FAM50A: variants seen among roughly 807,000 people sequenced by gnomAD.
FAM50A encodes the protein family with sequence similarity 50 member A, also known as protein FAM50A.
Under a neutral mutation model 35.5 loss-of-function variants are expected in FAM50A, and 6 were observed. The observed-to-expected ratio is 0.17, with a 90% CI of 0.09 to 0.33. FAM50A has a LOEUF of 0.33. Among genes scored for constraint, FAM50A ranks in the 10% least tolerant of loss-of-function variants. FAM50A has a pLI of 1.00. For synonymous variants in FAM50A, 120 were observed against 110.9 expected, an observed-to-expected ratio of 1.08 and a Z score of -0.52; for missense variants, 145 against 295.5, an observed-to-expected ratio of 0.49 and a Z score of 3.73.
At position 154,445,923 on chromosome X, in the gene FAM50A, C is replaced by T. The variant is rs367875244; in HGVS notation, c.296+12C>T. The T allele has an allele frequency of 2.6e-3, 3,013 of 1,164,991 alleles. 7 individuals carry two copies. The highest frequency in any genetic ancestry group is 2.8e-3 in the Non-Finnish European group (2,362 of 856,513). On this transcript the variant is annotated intron_variant, in intron 3 of 12. Coordinates refer to ENST00000393600, the MANE Select transcript of FAM50A (RefSeq NM_004699.4). ...AAGGAGCTGCAGATGTGGGTCCTCTCGCCGCAGCCCTCAACATGGAGCTAG... is the reference window on the plus strand; with the variant it reads ...AAGGAGCTGCAGATGTGGGTCCTCTTGCCGCAGCCCTCAACATGGAGCTAG...
At chrX:154,448,312 T>C (rs2068790177) in intron 4 of FAM50A, among the ~76,000 whole-genome samples, 172 bp from the exon 5 acceptor site, 1 of 109,787 alleles carries the variant, frequency 9.1e-6, no homozygotes, top group African/African-American at 3.3e-5. Context: ...AAGTGATCCT[T>C]CTGCCTCATC....
chrX:154,446,226 T>A, intron 3 of FAM50A, 189 bp from the exon 4 acceptor site: 1 of 465,923 alleles, frequency 2.1e-6, no homozygotes, highest in African/African-American at 2.4e-5. Flanking sequence ...GTGCTTGCTG[T>A]TTGTAACAGA....
Position 154,445,730 on chromosome X carries a change from C to T in FAM50A, c.196+13C>T, listed in dbSNP as rs377764840. The T allele has an allele frequency of 9.2e-6, 11 of 1,193,520 alleles. No individual in the cohort carries two copies. The highest frequency in any genetic ancestry group is 5.3e-5 in the African/African-American group (3 of 57,025). ...TCCAGCACCGTGGGTGAGCAGGGTG[C>T]GGGTGCCCCTCACCCGGGCCCCGGG... On this transcript the variant is annotated intron_variant, in intron 2 of 12. Coordinates refer to ENST00000393600, the MANE Select transcript of FAM50A (RefSeq NM_004699.4).
At chrX:154,446,245 C>A (rs2068782250) in intron 3 of FAM50A, 170 bp from the exon 4 acceptor site, 1 of 488,568 alleles carries the variant, frequency 2.0e-6, no homozygotes, top group Non-Finnish European at 3.6e-6. Flanking sequence ...GAGCCCTCGC[C>A]CATGAGCTCA....
chrX:154,450,342 C>A, intron 12 of FAM50A, 23 bp downstream of exon 12: 1 of 1,204,224 alleles, frequency 8.3e-7, no homozygotes, highest in Non-Finnish European at 1.1e-6. Context: ...TGGCAGGGAC[C>A]CCTCCAAGTT....
intron 3 of FAM50A, 139 bp downstream of exon 3, chrX:154,446,050 TTCTC>T (rs1252991978): frequency 6.3e-6 from 3 of 475,841 alleles, no homozygotes; most frequent in Non-Finnish European, 1.1e-5. Context: ...CGATTTGCAT[TTCTC>T]TCTCCCGCCT....
intron 4 of FAM50A, 113 bp downstream of exon 4, chrX:154,446,673 T>C: frequency 1.9e-6 from 2 of 1,031,814 alleles, no homozygotes; most frequent in Non-Finnish European, 2.6e-6. Context: ...AAAGCTGCCC[T>C]CTTGAGGCAC....
chrX:154,449,966 C>A, intron 10 of FAM50A, 35 bp downstream of exon 10: 1 of 1,209,105 alleles, frequency 8.3e-7, no homozygotes, highest in South Asian at 1.8e-5. Flanking sequence ...CCCATAGCAC[C>A]TTGCCGCCGA....
rs891897324 is a variant in FAM50A at position 154,444,546 on chromosome X, C to T, written c.111+200C>T. 5.0e-5 allele frequency: 11 copies of T among 217,916 alleles called. No individual in the cohort carries two copies. The South Asian group carries it at 8.6e-4, about 17-fold the overall frequency. The allele number at this position is 217,916 out of a possible 1,213,427, so 18.0% of individuals were successfully genotyped here. On this transcript the variant is annotated intron_variant, in intron 1 of 12. Coordinates refer to ENST00000393600, the MANE Select transcript of FAM50A (RefSeq NM_004699.4). ...CTCATCTGTGAAATGGGCCTGGAGC[C>T]GGGCGTTCTCCGAGGCTGAGGCCAC... is the stretch of plus-strand genomic sequence containing the variant.
chrX:154,450,407 C>A lies in FAM50A; in HGVS notation c.1012-17C>A. 8.3e-7 allele frequency: 1 copy of A among 1,211,424 alleles called. No homozygotes were observed. The highest frequency in any genetic ancestry group is 1.1e-6 in the Non-Finnish European group (1 of 895,172). On this transcript the variant is annotated splice_polypyrimidine_tract_variant and intron_variant, in intron 12 of 12. Coordinates refer to ENST00000393600, the MANE Select transcript of FAM50A (RefSeq NM_004699.4). ...TCGCCTTCCTTGTCTCCTCTGCCCA[C>A]CTTGTCCTCACACTAGATCCGCTGA...
At chrX:154,450,383 C>T (rs782190969) in intron 12 of FAM50A, 41 bp from the exon 13 acceptor site, 59 of 1,208,490 alleles carry the variant, frequency 4.9e-5, no homozygotes, top group Admixed American at 3.3e-4. Flanking sequence ...GCTCACCCCT[C>T]GCCTTCCTTG....
intron 8 of FAM50A, 109 bp downstream of exon 8, chrX:154,449,406 G>C (rs1314273793): frequency 4.7e-6 from 3 of 637,046 alleles, no homozygotes; most frequent in African/African-American, 4.3e-5. Context: ...CAAGCAGCGT[G>C]CTGGGCACTC....
Position 154,450,019 on chromosome X carries a change from TC to T in FAM50A, c.830-6del. 3.3e-6 allele frequency: 4 copies of T among 1,210,451 alleles called. No homozygotes were observed. Among genetic ancestry groups the T allele is most frequent in the Non-Finnish European group, 4.5e-6 (4 of 894,579 alleles). The stretch of plus-strand genomic sequence containing the variant: ...CAGCGGGACATTGGGCTGTCACTTC[TC>T]CCCTGCAGGACCACTCTTCAACTTT... On this transcript the variant is annotated splice_polypyrimidine_tract_variant and intron_variant, in intron 10 of 12. Coordinates refer to ENST00000393600, the MANE Select transcript of FAM50A (RefSeq NM_004699.4).
intron 8 of FAM50A, 28 bp from the exon 9 acceptor site, chrX:154,449,653 C>T (rs1557200280): frequency 8.4e-7 from 1 of 1,195,156 alleles, no homozygotes; most frequent in Non-Finnish European, 1.1e-6. Flanking sequence ...TGTCCTCTTG[C>T]CCACGCCCTC....
rs782492408 is a variant in FAM50A, at chrX:154,445,770, G to C, written c.197-42G>C. 4.2e-6 allele frequency: 5 copies of C among 1,189,169 alleles called. No homozygotes were observed. The African/African-American group carries it at 8.8e-5, about 21-fold the overall frequency. On this transcript the variant is annotated intron_variant, in intron 2 of 12. Transcript: ENST00000393600. ...CGGGCCCCGGGCCACTCTTCCGCTG[G>C]CCCTGCGACTACCTTGCCCCTTGTG...
At position 154,444,355 on chromosome X, in the gene FAM50A, C is replaced by A; in HGVS notation, c.111+9C>A. On this transcript the variant is annotated intron_variant, in intron 1 of 12. Transcript: ENST00000393600. ...AGCAGCGCATCGCGGAGGTGCGAGC[C>A]GGGGAGCCTCGGAGCATGCGCGCTG... The A allele has an allele frequency of 9.8e-7, 1 of 1,016,090 alleles. No homozygotes were observed. The highest frequency in any genetic ancestry group is 1.3e-6 in the Non-Finnish European group (1 of 771,957). The allele number at this position is 1,016,090 out of a possible 1,213,427, so 83.7% of individuals were successfully genotyped here.
Position 154,444,188 on chromosome X carries a change from TCGCCGCCGCCGCCGCCCGCCGCCGCCGC to T in FAM50A, c.-32_-5del, listed in dbSNP as rs1338152909. On this transcript the variant is annotated 5_prime_UTR_variant, in exon 1 of 13. Coordinates refer to ENST00000393600, the MANE Select transcript of FAM50A (RefSeq NM_004699.4). ...GCCGCTGCCGCTGCCGCTGTCGCTG[TCGCCGCCGCCGCCGCCCGCCGCCGCCGC>T]CGCCGCCGCCGCCGCTGCCATGGCT... 6.1e-5 allele frequency: 31 copies of T among 507,749 alleles called. 1 individual carries two copies. The highest frequency in any genetic ancestry group is 1.4e-4 in the East Asian group (1 of 6,984). 41.8% of individuals were successfully genotyped at this position (507,749 alleles called of 1,213,427 possible).
At chrX:154,448,260 G>A (rs1233323493) in intron 4 of FAM50A, among the ~76,000 whole-genome samples, 1 of 106,686 alleles carries the variant, frequency 9.4e-6, no homozygotes, top group East Asian at 3.0e-4. Flanking sequence ...TAGAGACGAG[G>A]TCTTGCTATG....
Position 154,446,539 on chromosome X carries a change from G to A in FAM50A, c.421G>A (p.Glu141Lys). The change falls in exon 4 of 13, where the codon GAG becomes AAG. Residue 141 changes from glutamate to lysine, a missense_variant. Glu to Lys is a moderately conservative substitution (Grantham distance 56). Around this residue, in one of 5 missense-constraint regions of FAM50A, gnomAD observed 32 missense variants for 22.9 expected, o/e 1.40. Transcript: ENST00000393600. Reference protein sequence around the residue: ...GEEEEEAAMYEEEMEREEITT... With the variant: ...GEEEEEAAMYKEEMEREEITT... ...GGAGGAAGAGGAGGCGGCCATGTAT[G>A]AGGAGGAGATGGAAAGGGAAGGTGA... 8.5e-7 allele frequency: 1 copy of A among 1,179,000 alleles called. No homozygotes were observed. The highest frequency in any genetic ancestry group is 1.1e-6 in the Non-Finnish European group (1 of 876,091).
Sources: allele counts gnomAD v4.1 joint callset (sites outside exome capture counted in the v4.1 genomes callset), GRCh38; gene constraint gnomAD v4.1.1; regional missense constraint gnomAD v4.1.1; transcripts MANE v1.5; gene names NCBI Gene and HGNC (gene_info 2026-07-23, HGNC 2026-07-21).